The following MBD5 variants were observed in gnomAD, a reference collection of about 807,000 sequenced individuals.
MBD5 encodes the protein methyl-CpG-binding domain protein 5.
Under a neutral mutation model 117.3 loss-of-function variants are expected in MBD5, and 13 were observed. The observed-to-expected ratio is 0.11, with a 90% confidence interval of 0.07 to 0.18. The LOEUF (loss-of-function observed/expected upper bound fraction) is 0.18, where lower values mean the gene tolerates loss of function less well. Ranked by LOEUF, MBD5 falls within the 10% of genes least tolerant of loss-of-function variation. MBD5 has a pLI of 1.00. For synonymous variants in MBD5, 727 were observed against 766.4 expected, an observed-to-expected ratio of 0.95 and a Z score of 0.85; for missense variants, 1,879 against 2,093.8, an observed-to-expected ratio of 0.90 and a Z score of 2.00.
At chr2:148,471,170 C>T (rs1388355561) in intron 8 of MBD5, 1 of 151,992 alleles carries the variant, frequency 6.6e-6, no homozygotes, top group African/African-American at 2.4e-5. Context: ...TAGAACTAAA[C>T]CATTTTTATC....
At chr2:148,111,015 A>C (rs1056694794) in intron 1 of MBD5, among the ~76,000 whole-genome samples, 1 of 151,936 alleles carries the variant, frequency 6.6e-6, no homozygotes, top group Non-Finnish European at 1.5e-5. Flanking sequence ...CTGTTCTCCA[A>C]ATTTAATCGG....
intron 1 of MBD5, among the ~76,000 whole-genome samples, chr2:148,137,271 G>A (rs942668836): frequency 4.0e-5 from 6 of 151,860 alleles, no homozygotes; most frequent in African/African-American, 1.5e-4. Flanking sequence ...AATGTTACTC[G>A]CTACAAATTT....
At chr2:148,251,099 C>A (rs1163503109) in intron 3 of MBD5, among the ~76,000 whole-genome samples, 6 of 151,624 alleles carry the variant, frequency 4.0e-5, no homozygotes, top group Non-Finnish European at 8.8e-5. Context: ...AATAAATATT[C>A]TTTTAAAATA....
At chr2:148,224,069 ACTT>A (rs1699756436) in intron 2 of MBD5, among the ~76,000 whole-genome samples, 2 of 152,120 alleles carry the variant, frequency 1.3e-5, no homozygotes, top group African/African-American at 4.8e-5. Context: ...GTTTTATTCC[ACTT>A]TGGTCAGAGA....
intron 4 of MBD5, chr2:148,393,497 A>G (rs1704621627): frequency 6.6e-6 from 1 of 152,210 alleles, no homozygotes; most frequent in African/African-American, 2.4e-5. Flanking sequence ...ACAGGTTAGC[A>G]GGGAGTTGAT....
chr2:148,052,794 C>T (rs570132615), intron 1 of MBD5, among the ~76,000 whole-genome samples: 31 of 151,882 alleles, frequency 2.0e-4, no homozygotes, highest in African/African-American at 6.3e-4. Flanking sequence ...AAAAATATAT[C>T]GGTGTTTGTT....
At chr2:148,366,950 C>G (rs1156821596) in intron 4 of MBD5, among the ~76,000 whole-genome samples, 1 of 152,170 alleles carries the variant, frequency 6.6e-6, no homozygotes, top group African/African-American at 2.4e-5. Context: ...CTACCATTGA[C>G]TTTCCTCACA....
chr2:148,374,240 TACACAC>T lies in MBD5; in HGVS notation c.-557+31935_-557+31940del, dbSNP rs57110874. Among the ~76,000 whole-genome samples the T allele has an allele frequency of 6.9e-3, 973 of 141,946 alleles. 6 individuals carry two copies. Among genetic ancestry groups the T allele is most frequent in the African/African-American group, 0.017 (683 of 39,060 alleles). 93.1% of individuals were successfully genotyped at this position (141,946 alleles called of 152,430 possible). ...ATTCCAAACTAAATATGTTTATGCA[TACACAC>T]ACACACACACACACACACACACACA... On this transcript the variant is annotated intron_variant, in intron 4 of 13. Coordinates refer to ENST00000642680, the MANE Select transcript of MBD5 (RefSeq NM_001378120.1).
intron 4 of MBD5, among the ~76,000 whole-genome samples, chr2:148,375,348 C>A (rs1250985477): frequency 6.6e-6 from 1 of 152,196 alleles, no homozygotes; most frequent in African/African-American, 2.4e-5. Context: ...ATCAGCAAGA[C>A]AAGAGCTGGC....
intron 2 of MBD5, among the ~76,000 whole-genome samples, chr2:148,186,315 G>A (rs1485116141): frequency 6.6e-6 from 1 of 152,178 alleles, no homozygotes; most frequent in East Asian, 1.9e-4. Flanking sequence ...TGATTGTGAG[G>A]CCTCCCCAGC....
chr2:148,489,330 T>C, intron 10 of MBD5, 56 bp from the exon 11 acceptor site: 1 of 1,605,960 alleles, frequency 6.2e-7, no homozygotes, highest in Non-Finnish European at 8.5e-7. Context: ...GTCTTTCTCT[T>C]TGAGGCCTCA....
intron 12 of MBD5, 82 bp from the exon 13 acceptor site, chr2:148,509,978 C>CT: frequency 8.7e-7 from 1 of 1,143,842 alleles, no homozygotes; most frequent in Non-Finnish European, 1.3e-6. Context: ...GGAATTGGTA[C>CT]TTTTGTTTTC....
intron 4 of MBD5, among the ~76,000 whole-genome samples, chr2:148,445,196 T>G (rs56740856): frequency 0.3 from 44,910 of 150,806 alleles, 7,962 homozygotes; most frequent in African/African-American, 0.42. Flanking sequence ...TGCAGGTTTG[T>G]TACATATGTA....
intron 2 of MBD5, among the ~76,000 whole-genome samples, chr2:148,207,481 T>C (rs1377752586): frequency 1.3e-5 from 2 of 151,166 alleles, no homozygotes; most frequent in Non-Finnish European, 2.9e-5. Flanking sequence ...AAAAATAGGT[T>C]ACTCGGTTAC....
At chr2:148,092,174 A>G (rs1255610612) in intron 1 of MBD5, among the ~76,000 whole-genome samples, 4 of 152,184 alleles carry the variant, frequency 2.6e-5, no homozygotes, top group Non-Finnish European at 4.4e-5. Flanking sequence ...AGATGTTGGC[A>G]TGGATGTGGT....
chr2:148,090,208 A>G (rs982050261), intron 1 of MBD5, among the ~76,000 whole-genome samples: 10 of 151,984 alleles, frequency 6.6e-5, no homozygotes, highest in African/African-American at 2.4e-4. Context: ...ATTGGCAACA[A>G]CAACAAAAAA....
intron 1 of MBD5, among the ~76,000 whole-genome samples, chr2:148,110,326 T>C (rs1490051513): frequency 6.6e-6 from 1 of 152,186 alleles, no homozygotes; most frequent in African/African-American, 2.4e-5. Flanking sequence ...GTAGTATTTC[T>C]AAAACTGTTT....
At chr2:148,034,300 A>G (rs1694125160) in intron 1 of MBD5, among the ~76,000 whole-genome samples, 1 of 152,182 alleles carries the variant, frequency 6.6e-6, no homozygotes, top group Admixed American at 6.5e-5. Context: ...TGCATTTTTC[A>G]GGGATTGATA....
chr2:148,093,927 A>C (rs923956690), intron 1 of MBD5, among the ~76,000 whole-genome samples: 1 of 152,238 alleles, frequency 6.6e-6, no homozygotes, highest in South Asian at 2.1e-4. Context: ...CCCACAAAAT[A>C]ACAGGTAATT....
Sources: allele counts gnomAD v4.1 joint callset (sites outside exome capture counted in the v4.1 genomes callset), GRCh38; gene constraint gnomAD v4.1.1; transcripts MANE v1.5; gene names NCBI Gene and HGNC (gene_info 2026-07-23, HGNC 2026-07-21).